Variants in KIAA0319L observed in about 807,000 individuals in gnomAD.
KIAA0319L encodes KIAA0319 like.
Under a neutral mutation model 120.1 loss-of-function variants are expected in KIAA0319L, and 55 were observed. That is an observed-to-expected ratio of 0.46 (90% CI 0.37 to 0.57). The LOEUF is 0.57. KIAA0319L is among the 20% of genes least tolerant of loss of function. The pLI, the probability that KIAA0319L is intolerant of heterozygous loss-of-function variation, is 0.00. For synonymous variants in KIAA0319L, 398 were observed against 471.9 expected (o/e 0.84, Z 2.03); for missense variants, 1,049 against 1,255.3 (o/e 0.84, Z 2.48).
Position 35,557,281 on chromosome 1 carries a change from C to T in KIAA0319L, c.-103G>A. 4.4e-6 allele frequency: 1 copy of T among 226,394 alleles called. No individual in the cohort carries two copies. The highest frequency in any genetic ancestry group is 4.4e-5 in the South Asian group (1 of 22,828). The allele number at this position is 226,394 out of a possible 1,614,324, so 14.0% of individuals were successfully genotyped here. ...TCCTCCTGGTCCATGGGCTCGGGGA[C>T]CCCCAACCTTCGCTCCCCTCACCCG... On this transcript the variant is annotated 5_prime_UTR_variant, in exon 1 of 21. Coordinates refer to ENST00000325722, the MANE Select transcript of KIAA0319L (RefSeq NM_024874.5).
At chr1:35,515,052 C>T (rs1645623172) in intron 2 of KIAA0319L, among the ~76,000 whole-genome samples, 1 of 152,184 alleles carries the variant, frequency 6.6e-6, no homozygotes, top group African/African-American at 2.4e-5. Flanking sequence ...GTGGCTCACA[C>T]CTGTAATCCC....
intron 2 of KIAA0319L, among the ~76,000 whole-genome samples, chr1:35,515,250 T>C (rs1213802318): frequency 6.7e-6 from 1 of 150,370 alleles, no homozygotes; most frequent in Non-Finnish European, 1.5e-5. Flanking sequence ...AGGCAGAGGC[T>C]GTAGTGAGCT....
At chr1:35,495,806 C>T (rs376053842) in intron 3 of KIAA0319L, among the ~76,000 whole-genome samples, 35 of 148,686 alleles carry the variant, frequency 2.4e-4, no homozygotes, top group African/African-American at 8.1e-4. Context: ...GTGTGCACCA[C>T]CACACCCAGA....
At chr1:35,449,224 A>G (rs1362717044) in intron 15 of KIAA0319L, among the ~76,000 whole-genome samples, 2 of 152,218 alleles carry the variant, frequency 1.3e-5, no homozygotes, top group Non-Finnish European at 2.9e-5. Context: ...GAGTAGGTTT[A>G]AAGTTAATAC....
chr1:35,444,442 A>T (rs1326506784), intron 16 of KIAA0319L, 139 bp from the exon 17 acceptor site: 2 of 802,162 alleles, frequency 2.5e-6, no homozygotes, highest in African/African-American at 3.6e-5. Context: ...AGCCAGTGAG[A>T]AAGGTGTTAT....
chr1:35,454,605 A>AT (rs1642309081), intron 10 of KIAA0319L, 120 bp from the exon 11 acceptor site: 1 of 1,471,722 alleles, frequency 6.8e-7, no homozygotes, highest in Non-Finnish European at 9.0e-7. Flanking sequence ...GTACTGGGCT[A>AT]TTACGTACCA....
At chr1:35,456,272 G>T (rs1330672270) in intron 9 of KIAA0319L, 31 bp from the exon 10 acceptor site, 1 of 1,405,750 alleles carries the variant, frequency 7.1e-7, no homozygotes, top group Non-Finnish European at 9.7e-7. Flanking sequence ...GTGTGATCAG[G>T]GACGGGTTTA....
intron 8 of KIAA0319L, among the ~76,000 whole-genome samples, chr1:35,460,788 C>T (rs150415372): frequency 5.0e-4 from 76 of 152,254 alleles, no homozygotes; most frequent in Middle Eastern, 3.4e-3. Flanking sequence ...TTTTAACCTA[C>T]AAAATTGGTA....
chr1:35,503,685 A>G (rs1461543287), intron 3 of KIAA0319L, among the ~76,000 whole-genome samples: 1 of 152,114 alleles, frequency 6.6e-6, no homozygotes, highest in African/African-American at 2.4e-5. Flanking sequence ...TTACCAGGCC[A>G]TATACAGTTG....
Position 35,434,823 on chromosome 1 carries a change from G to C in KIAA0319L, c.*71C>G, listed in dbSNP as rs944241382. 3 of 1,375,412 alleles carry C rather than the reference G, an allele frequency of 2.2e-6. No individual in the cohort carries two copies. The highest frequency in any genetic ancestry group is 2.9e-5 in the African/African-American group (2 of 68,828). 85.2% of individuals were successfully genotyped at this position (1,375,412 alleles called of 1,614,324 possible). On this transcript the variant is annotated 3_prime_UTR_variant, in exon 21 of 21. Coordinates refer to ENST00000325722, the MANE Select transcript of KIAA0319L (RefSeq NM_024874.5). ...GCAGATGCTGGGACAGCAGCTGCCC[G>C]CAGACTCGGGAGGTAGGAGGACTGG...
intron 2 of KIAA0319L, among the ~76,000 whole-genome samples, chr1:35,531,419 G>C (rs1467048585): frequency 6.6e-6 from 1 of 152,158 alleles, no homozygotes; most frequent in Non-Finnish European, 1.5e-5. Context: ...GGGATGTAGA[G>C]AGGCAGGGGC....
chr1:35,503,751 C>T (rs1053989407), intron 3 of KIAA0319L, among the ~76,000 whole-genome samples: 4 of 152,136 alleles, frequency 2.6e-5, no homozygotes, highest in East Asian at 1.9e-4. Flanking sequence ...TGAATTTTCT[C>T]GTGCCTCTGC....
chr1:35,455,140 A>G (rs1004713687), intron 10 of KIAA0319L, among the ~76,000 whole-genome samples: 26 of 152,246 alleles, frequency 1.7e-4, no homozygotes, highest in African/African-American at 5.8e-4. Flanking sequence ...CTAGTAGCCC[A>G]TGGGCTGAAT....
rs536233853 is a variant in KIAA0319L at position 35,452,193 on chromosome 1, G to C, written c.1914-417C>G. ...GAAGCAAAATGCATTTCTTAATCAC[G>C]TGCCCAAATCCTTCCTGATGAAAGA... On this transcript the variant is annotated intron_variant, in intron 12 of 20. Transcript: ENST00000325722. 3.9e-5 allele frequency among the ~76,000 whole-genome samples: 6 copies of C among 152,304 alleles called. No individual in the cohort carries two copies. In the South Asian group the frequency reaches 8.3e-4, roughly 21 times the overall value.
intron 2 of KIAA0319L, among the ~76,000 whole-genome samples, chr1:35,536,874 TA>T (rs67994036): frequency 0.046 from 6,416 of 139,788 alleles, 421 homozygotes; most frequent in African/African-American, 0.15. Context: ...GCTATGCACT[TA>T]AAAAAAAAAA....
At chr1:35,451,148 T>G (rs1642030590) in intron 13 of KIAA0319L, among the ~76,000 whole-genome samples, 1 of 152,186 alleles carries the variant, frequency 6.6e-6, no homozygotes, top group East Asian at 1.9e-4. Flanking sequence ...TCACTGTGCC[T>G]GTAAACTAGA....
chr1:35,550,537 T>C (rs2148514231), intron 2 of KIAA0319L, among the ~76,000 whole-genome samples: 1 of 152,114 alleles, frequency 6.6e-6, no homozygotes, highest in African/African-American at 2.4e-5. Context: ...CACAGAAAAA[T>C]ATGAAGAGAT....
In KIAA0319L at chr1:35,541,003, G is replaced by A. The variant is rs549171579; in HGVS notation, c.142+13347C>T. 1.3e-3 allele frequency among the ~76,000 whole-genome samples: 199 copies of A among 151,976 alleles called. 1 individual carries two copies. Among genetic ancestry groups the A allele is most frequent in the African/African-American group, 4.1e-3 (172 of 41,448 alleles). ...GTGGCCCGGGCTGGAGTGCAACAGC[G>A]TGATCATGGCTCACTGAAGCCTCGA... is the stretch of plus-strand genomic sequence containing the variant. On this transcript the variant is annotated intron_variant, in intron 2 of 20. Transcript: ENST00000325722.
intron 2 of KIAA0319L, among the ~76,000 whole-genome samples, chr1:35,546,669 C>G (rs2148505401): frequency 6.6e-6 from 1 of 152,352 alleles, no homozygotes; most frequent in Admixed American, 6.5e-5. Context: ...AGTTGTTTCT[C>G]TAGTCCTTGT....
Sources: allele counts gnomAD v4.1 joint callset (sites outside exome capture counted in the v4.1 genomes callset), GRCh38; gene constraint gnomAD v4.1.1; transcripts MANE v1.5; gene names NCBI Gene and HGNC (gene_info 2026-07-23, HGNC 2026-07-21).